The following SPIDR variants were observed in gnomAD, a reference collection of about 807,000 sequenced individuals.
The protein encoded by SPIDR is scaffold protein involved in DNA repair, also known as DNA repair-scaffolding protein.
In SPIDR, 93 loss-of-function variants were observed where a neutral mutation model predicts 104.6. The observed-to-expected ratio is 0.89, with a 90% CI of 0.75 to 1.06. The LOEUF is 1.06. Among genes scored for constraint, SPIDR ranks in the 50% least tolerant of loss-of-function variants. SPIDR has a pLI of 0.00. For synonymous variants in SPIDR, 431 were observed against 416.9 expected, an observed-to-expected ratio of 1.03 and a Z score of -0.41; for missense variants, 1,154 against 1,111.2, an observed-to-expected ratio of 1.04 and a Z score of -0.55.
chr8:47,427,306 G>T (rs1298108717), intron 7 of SPIDR, among the ~76,000 whole-genome samples: 2 of 142,762 alleles, frequency 1.4e-5, no homozygotes, highest in East Asian at 4.0e-4. Context: ...TTGGGACAGG[G>T]TTTTTTTTTT....
chr8:47,469,423 T>C (rs1233206230), intron 8 of SPIDR, among the ~76,000 whole-genome samples: 1 of 152,070 alleles, frequency 6.6e-6, no homozygotes, highest in Non-Finnish European at 1.5e-5. Context: ...GGCAAGCATA[T>C]GTTTGTTGCA....
At chr8:47,337,489 CTT>C (rs201149348) in intron 5 of SPIDR, among the ~76,000 whole-genome samples, 1 of 151,074 alleles carries the variant, frequency 6.6e-6, no homozygotes, top group Non-Finnish European at 1.5e-5. Context: ...GTGTACAAGT[CTT>C]TTTTTTTCCC....
At chr8:47,606,135 CAT>C (rs1399183055) in intron 10 of SPIDR, among the ~76,000 whole-genome samples, 7 of 152,174 alleles carry the variant, frequency 4.6e-5, no homozygotes, top group African/African-American at 1.7e-4. Flanking sequence ...CTGGAATAAA[CAT>C]ATTGCAGAAA....
chr8:47,402,050 C>A (rs183207205), intron 6 of SPIDR, among the ~76,000 whole-genome samples: 18 of 152,320 alleles, frequency 1.2e-4, no homozygotes, highest in African/African-American at 4.3e-4. Context: ...AGCACCACAT[C>A]GCACTTATTC....
At chr8:47,594,196 C>CAAAAA (rs372928071) in intron 8 of SPIDR, among the ~76,000 whole-genome samples, 3 of 53,546 alleles carry the variant, frequency 5.6e-5, no homozygotes, top group Non-Finnish European at 9.5e-5. Context: ...CCAGTCTCTA[C>CAAAAA]AAAAAAAAAA....
chr8:47,552,220 T>C (rs998505614), intron 8 of SPIDR, among the ~76,000 whole-genome samples: 2 of 152,316 alleles, frequency 1.3e-5, no homozygotes, highest in East Asian at 3.9e-4. Context: ...ATAAGTGCGA[T>C]GTGGTGCTGA....
chr8:47,284,756 G>A (rs1212687525), intron 3 of SPIDR, among the ~76,000 whole-genome samples: 1 of 152,166 alleles, frequency 6.6e-6, no homozygotes, highest in Non-Finnish European at 1.5e-5. Flanking sequence ...GAAGGAATGC[G>A]CTTCCCAGTA....
At chr8:47,297,033 T>A (rs1244836199) in intron 5 of SPIDR, among the ~76,000 whole-genome samples, 1 of 152,220 alleles carries the variant, frequency 6.6e-6, no homozygotes, top group Non-Finnish European at 1.5e-5. Flanking sequence ...TTCAGGTACT[T>A]CATTCTTAGA....
intron 17 of SPIDR, among the ~76,000 whole-genome samples, chr8:47,728,052 G>A (rs922367243): frequency 2.0e-5 from 3 of 151,054 alleles, no homozygotes; most frequent in Non-Finnish European, 4.4e-5. Flanking sequence ...GGGAGTCAGA[G>A]GTTGCAGTGA....
chr8:47,716,022 T>C (rs945246924), intron 16 of SPIDR, among the ~76,000 whole-genome samples: 1 of 147,922 alleles, frequency 6.8e-6, no homozygotes, highest in African/African-American at 2.5e-5. Context: ...TGGAGTGCAA[T>C]GGCATGATCT....
intron 19 of SPIDR, among the ~76,000 whole-genome samples, chr8:47,732,896 C>G (rs1228473682): frequency 6.6e-6 from 1 of 152,194 alleles, no homozygotes; most frequent in Non-Finnish European, 1.5e-5. Context: ...CATCTCATTT[C>G]TCAATAGTAA....
intron 11 of SPIDR, among the ~76,000 whole-genome samples, chr8:47,696,507 T>C (rs2079357999): frequency 6.6e-6 from 1 of 152,218 alleles, no homozygotes; most frequent in Non-Finnish European, 1.5e-5. Flanking sequence ...TCTTTGTAAA[T>C]TTTTCTTTAC....
intron 11 of SPIDR, among the ~76,000 whole-genome samples, chr8:47,681,093 G>A (rs1197734901): frequency 6.6e-6 from 1 of 152,216 alleles, no homozygotes; most frequent in Non-Finnish European, 1.5e-5. Flanking sequence ...GAGAGAATGC[G>A]AATCTTGAGA....
intron 8 of SPIDR, among the ~76,000 whole-genome samples, chr8:47,451,491 G>A (rs1266532741): frequency 6.6e-6 from 1 of 151,966 alleles, no homozygotes; most frequent in African/African-American, 2.4e-5. Context: ...TGAGGCACAA[G>A]AATGGTTTGA....
At chr8:47,323,058 T>C (rs561755653) in intron 5 of SPIDR, among the ~76,000 whole-genome samples, 2 of 151,280 alleles carry the variant, frequency 1.3e-5, no homozygotes, top group Admixed American at 6.6e-5. Context: ...CTGCACATTG[T>C]GCGCATGTAC....
chr8:47,663,547 T>C (rs1318224183), intron 10 of SPIDR, among the ~76,000 whole-genome samples: 1 of 152,194 alleles, frequency 6.6e-6, no homozygotes, highest in Non-Finnish European at 1.5e-5. Context: ...TTATTAAGGA[T>C]CTTGTGACAC....
At chr8:47,632,619 T>G (rs1323182848) in intron 10 of SPIDR, among the ~76,000 whole-genome samples, 1 of 152,206 alleles carries the variant, frequency 6.6e-6, no homozygotes, top group Non-Finnish European at 1.5e-5. Flanking sequence ...ACTCTAATGG[T>G]CCTCATTCCC....
intron 7 of SPIDR, among the ~76,000 whole-genome samples, chr8:47,415,655 A>G (rs782439856): frequency 4.6e-5 from 7 of 152,186 alleles, no homozygotes; most frequent in African/African-American, 7.2e-5. Flanking sequence ...GAAGAATCCA[A>G]CTGTGAGAAT....
intron 1 of SPIDR, 147 bp downstream of exon 1, chr8:47,261,138 G>A (rs1333599296): frequency 1.0e-6 from 1 of 986,478 alleles, no homozygotes; most frequent in African/African-American, 1.7e-5. Context: ...TCCCGTCTGC[G>A]CGCGTGGAGC....
Sources: allele counts gnomAD v4.1 joint callset (sites outside exome capture counted in the v4.1 genomes callset), GRCh38; gene constraint gnomAD v4.1.1; transcripts MANE v1.5; gene names NCBI Gene and HGNC (gene_info 2026-07-23, HGNC 2026-07-21).